The following UBR2 variants were observed in gnomAD, a reference collection of about 807,000 sequenced individuals.
The protein encoded by UBR2 is E3 ubiquitin-protein ligase UBR2.
UBR2 carries 92 observed loss-of-function variants against 247.9 expected under a neutral mutation model. The observed-to-expected ratio is 0.37, with a 90% CI of 0.31 to 0.44. The LOEUF (loss-of-function observed/expected upper bound fraction) is 0.44, where lower values mean the gene tolerates loss of function less well. Ranked by LOEUF, UBR2 falls within the 20% of genes least tolerant of loss-of-function variation. The pLI is 1.00. For missense variants in UBR2, 1,613 were observed against 2,112.6 expected (o/e 0.76, Z 4.64); for synonymous variants, 672 against 693.5 (o/e 0.97, Z 0.49).
At chr6:42,574,718 T>G (rs1791387817) in intron 2 of UBR2, among the ~76,000 whole-genome samples, 1 of 149,880 alleles carries the variant, frequency 6.7e-6, no homozygotes, top group South Asian at 2.1e-4. Context: ...TTTTCTGAGA[T>G]GGAGTCTTGC....
chr6:42,608,153 C>G (rs938150283), intron 7 of UBR2, among the ~76,000 whole-genome samples: 1 of 152,080 alleles, frequency 6.6e-6, no homozygotes, highest in Admixed American at 6.6e-5. Flanking sequence ...ACGGTATATA[C>G]CAAGAAATGG....
intron 17 of UBR2, 45 bp from the exon 18 acceptor site, chr6:42,642,371 A>C: frequency 7.3e-7 from 1 of 1,365,892 alleles, no homozygotes. Context: ...AGAGAGCCTG[A>C]GCCAATAAAA....
Position 42,689,370 on chromosome 6 carries a change from A to G in UBR2, c.5025-199A>G, listed in dbSNP as rs1355535165. ...GTACTATTAATGCCAGAAAAAGGCA[A>G]ATGTCTCAAAGGGATCAGGGGACAC... On this transcript the variant is annotated intron_variant, in intron 45 of 46. Coordinates refer to ENST00000372901, the MANE Select transcript of UBR2 (RefSeq NM_001363705.2). The surrounding 1 kb of genome is among the most constrained non-coding windows in gnomAD (Gnocchi z 4.0). 6.6e-6 allele frequency among the ~76,000 whole-genome samples: 1 copy of G among 152,172 alleles called. No individual in the cohort carries two copies. The highest frequency in any genetic ancestry group is 1.5e-5 in the Non-Finnish European group (1 of 68,038).
At chr6:42,632,188 C>T (rs942093562) in intron 11 of UBR2, among the ~76,000 whole-genome samples, 2 of 151,114 alleles carry the variant, frequency 1.3e-5, no homozygotes, top group African/African-American at 4.9e-5. Context: ...GAATCTGTGT[C>T]GTAAACCTCT....
chr6:42,577,587 A>T (rs543982423), intron 2 of UBR2, among the ~76,000 whole-genome samples: 3 of 145,884 alleles, frequency 2.1e-5, no homozygotes, highest in African/African-American at 8.4e-5. Flanking sequence ...GATTTTGATA[A>T]TTGTATATTT....
intron 4 of UBR2, among the ~76,000 whole-genome samples, chr6:42,597,742 C>A (rs977198833): frequency 1.3e-5 from 2 of 151,564 alleles, no homozygotes. Context: ...CATGGAGAAA[C>A]CCCGTCTCTA....
At chr6:42,658,204 A>G (rs1209798691) in intron 27 of UBR2, 36 bp from the exon 28 acceptor site, 2 of 1,609,008 alleles carry the variant, frequency 1.2e-6, no homozygotes, top group South Asian at 1.1e-5. Flanking sequence ...TTGTGATCAT[A>G]TTTCATACAG....
At chr6:42,682,902 A>C (rs1325697017) in intron 42 of UBR2, among the ~76,000 whole-genome samples, 153 bp from the exon 43 acceptor site, 1 of 152,218 alleles carries the variant, frequency 6.6e-6, no homozygotes, top group Non-Finnish European at 1.5e-5. Flanking sequence ...TAAAAGTTGT[A>C]GGCAAAATAG....
At chr6:42,610,574 A>G (rs960410901) in intron 7 of UBR2, among the ~76,000 whole-genome samples, 10 of 152,360 alleles carry the variant, frequency 6.6e-5, no homozygotes, top group African/African-American at 2.2e-4. Flanking sequence ...AAGTGAAATA[A>G]GCCGGTAACA....
At chr6:42,647,411 C>T (rs1009842152) in intron 21 of UBR2, among the ~76,000 whole-genome samples, 1 of 124,408 alleles carries the variant, frequency 8.0e-6, no homozygotes, top group Admixed American at 9.1e-5. Context: ...TAAACCCCAT[C>T]GCTACTAAAA....
At chr6:42,574,069 T>G in intron 2 of UBR2, 76 bp downstream of exon 2, 2 of 1,403,318 alleles carry the variant, frequency 1.4e-6, no homozygotes, top group South Asian at 1.6e-5. Flanking sequence ...CTTTTGAGTT[T>G]TTGTTTAAAA....
At chr6:42,679,915 C>G in intron 42 of UBR2, 83 bp downstream of exon 42, 1 of 833,372 alleles carries the variant, frequency 1.2e-6, no homozygotes, top group South Asian at 1.7e-5. Context: ...GCAAAATTCT[C>G]AAGTAATGAC....
intron 36 of UBR2, among the ~76,000 whole-genome samples, chr6:42,671,110 G>A (rs1280500599): frequency 2.0e-5 from 3 of 151,414 alleles, no homozygotes; most frequent in Non-Finnish European, 2.9e-5. Context: ...GCTTGAACCC[G>A]GGAGGCAGAG....
chr6:42,635,396 T>G (rs368470586), intron 13 of UBR2, 22 bp from the exon 14 acceptor site: 11 of 1,609,652 alleles, frequency 6.8e-6, no homozygotes, highest in African/African-American at 4.0e-5. Context: ...CATTCATATA[T>G]AATTTTTTCA....
intron 8 of UBR2, among the ~76,000 whole-genome samples, chr6:42,614,205 A>AAATATATATATATGT (rs1562310782): frequency 3.8e-5 from 1 of 26,614 alleles, no homozygotes; most frequent in African/African-American, 1.6e-4. Context: ...AAAAAAAAAA[A>AAATATATATATATGT]CTATATATAT....
At chr6:42,606,512 C>A in intron 6 of UBR2, 77 bp from the exon 7 acceptor site, 1 of 1,242,524 alleles carries the variant, frequency 8.0e-7, no homozygotes, top group African/African-American at 1.5e-5. Context: ...TATGCTTAAA[C>A]ATGTTTGTTT....
chr6:42,619,440 TATATATATA>T lies in UBR2; in HGVS notation c.1281+1934_1281+1942del, dbSNP rs1177522495. 34 of 33,176 alleles carry T rather than the reference TATATATATA, an allele frequency of 1.0e-3. 3 individuals are homozygous for T. The highest frequency in any genetic ancestry group is 4.0e-3 in the South Asian group (4 of 1,006). The allele number at this position is 33,176 out of a possible 1,614,324, so 2.1% of individuals were successfully genotyped here. A position where few individuals can be genotyped will look rare whatever the true frequency, so the allele number is the denominator to read the frequency against. On this transcript the variant is annotated intron_variant, in intron 11 of 46. Transcript: ENST00000372901. ...ATATATATATATATATATATATATATATATATATATATATTTTTTTTTTTTAGTTCTCTA... is the reference window on the plus strand; with the variant it reads ...ATATATATATATATATATATATATATTATATTTTTTTTTTTTAGTTCTCTA...
At chr6:42,580,566 G>A (rs1198121206) in intron 2 of UBR2, among the ~76,000 whole-genome samples, 1 of 151,042 alleles carries the variant, frequency 6.6e-6, no homozygotes, top group African/African-American at 2.4e-5. Context: ...TTTTGAGACA[G>A]TCTCATGCTG....
rs140100343 is a variant in UBR2, at chr6:42,681,675, G to A, written c.4719-1380G>A. Among the ~76,000 whole-genome samples, 230 of 152,248 alleles carry A rather than the reference G, an allele frequency of 1.5e-3. 2 individuals are homozygous for A. The highest frequency in any genetic ancestry group is 4.8e-3 in the African/African-American group (200 of 41,544). On this transcript the variant is annotated intron_variant, in intron 42 of 46. Transcript: ENST00000372901. ...ATATAGAAAATGATAGAGCCACTAC[G>A]GAAGACAGCATGACAGTTCCTCAAA... is the stretch of plus-strand genomic sequence containing the variant.
Sources: gnomAD v4.1 joint callset for allele counts (sites outside exome capture counted in the v4.1 genomes callset) on GRCh38, gnomAD v4.1.1 for gene constraint, Gnocchi (gnomAD v3.1) non-coding constraint, MANE v1.5 for transcripts, NCBI Gene and HGNC (gene_info 2026-07-23, HGNC 2026-07-21) for gene names.